SAMD12: variants seen among roughly 807,000 people sequenced by gnomAD.
SAMD12 encodes sterile alpha motif domain containing 12.
Under a neutral mutation model 15.0 loss-of-function variants are expected in SAMD12, and 9 were observed. The ratio of observed to expected loss-of-function variants is 0.60; its 90% CI spans 0.36 to 1.05. The LOEUF is 1.05. Among genes scored for constraint, SAMD12 ranks in the 50% least tolerant of loss-of-function variants. SAMD12 has a pLI of 0.01. For missense variants in SAMD12, 230 were observed against 234.2 expected (o/e 0.98, Z 0.12); for synonymous variants, 86 against 90.1 (o/e 0.96, Z 0.25).
At chr8:118,411,609 T>G (rs1821408761) in intron 3 of SAMD12, among the ~76,000 whole-genome samples, 1 of 119,230 alleles carries the variant, frequency 8.4e-6, no homozygotes. Flanking sequence ...CCACAATAGT[T>G]AAAGGAGTTT....
Position 118,555,497 on chromosome 8 carries a change from T to C in SAMD12, c.192+25218A>G, listed in dbSNP as rs543288047. On this transcript the variant is annotated intron_variant, in intron 2 of 3. Coordinates refer to ENST00000314727, the MANE Select transcript of SAMD12 (RefSeq NM_207506.3). ...AGTGCATCACTTTGTGTTATTGATATGCAACAACAGGCTTATCTTCCTCCA... is the reference window on the plus strand; with the variant it reads ...AGTGCATCACTTTGTGTTATTGATACGCAACAACAGGCTTATCTTCCTCCA... Among the ~76,000 whole-genome samples the C allele has an allele frequency of 9.5e-4, 145 of 152,310 alleles. 1 individual carries two copies. In the Middle Eastern group the frequency reaches 0.027, roughly 29 times the overall value.
the SAMD12 span, among the ~76,000 whole-genome samples, chr8:118,133,038 A>C: frequency 1.6e-5 from 2 of 123,866 alleles, no homozygotes; most frequent in South Asian, 5.2e-4. Flanking sequence ...CTTATTACTT[A>C]ATATGAGTCA....
At chr8:118,194,810 A>G (rs1211388939) in exon 5 of SAMD12, 3 of 152,220 alleles carry the variant, frequency 2.0e-5, no homozygotes, top group Admixed American at 6.5e-5. Flanking sequence ...ACAGAGGACC[A>G]CCACATAATA....
chr8:118,227,321 C>G (rs1476538349), intron 4 of SAMD12, among the ~76,000 whole-genome samples: 1 of 151,982 alleles, frequency 6.6e-6, no homozygotes, highest in Non-Finnish European at 1.5e-5. Flanking sequence ...ATGATGAGAA[C>G]TCGTGGACAT....
chr8:118,573,243 C>T (rs1827067440), intron 2 of SAMD12, among the ~76,000 whole-genome samples: 1 of 152,044 alleles, frequency 6.6e-6, no homozygotes, highest in Admixed American at 6.6e-5. Flanking sequence ...TGCCACCATG[C>T]CAGGCTAATT....
intron 2 of SAMD12, among the ~76,000 whole-genome samples, chr8:118,471,227 T>C (rs1823785292): frequency 6.6e-6 from 1 of 152,134 alleles, no homozygotes. Context: ...AGATAATTAC[T>C]AGTGAATGCT....
At chr8:118,534,451 G>A (rs1825782355) in intron 2 of SAMD12, among the ~76,000 whole-genome samples, 1 of 152,130 alleles carries the variant, frequency 6.6e-6, no homozygotes, top group Non-Finnish European at 1.5e-5. Context: ...GAGTATCTCT[G>A]TGGTGTTCTC....
chr8:118,255,785 T>G (rs1812924944), intron 4 of SAMD12, among the ~76,000 whole-genome samples: 1 of 152,052 alleles, frequency 6.6e-6, no homozygotes, highest in Admixed American at 6.6e-5. Flanking sequence ...TCCAAGTCTT[T>G]GCTATTGTGA....
intron 4 of SAMD12, among the ~76,000 whole-genome samples, chr8:118,309,797 A>G (rs1468972305): frequency 6.6e-6 from 1 of 152,186 alleles, no homozygotes; most frequent in Non-Finnish European, 1.5e-5. Flanking sequence ...CTCTGATGAC[A>G]TTAGTCCCAT....
the SAMD12 span, among the ~76,000 whole-genome samples, chr8:118,154,680 C>G: frequency 6.6e-6 from 1 of 152,140 alleles, no homozygotes; most frequent in East Asian, 1.9e-4. Flanking sequence ...ATCTATATAG[C>G]CGTAAGAGGC....
chr8:118,361,533 T>G (rs542245367), intron 4 of SAMD12, among the ~76,000 whole-genome samples: 6 of 152,308 alleles, frequency 3.9e-5, no homozygotes, highest in African/African-American at 1.4e-4. Flanking sequence ...GAGTAGCACT[T>G]AAACTTTGCA....
intron 2 of SAMD12, among the ~76,000 whole-genome samples, chr8:118,517,475 T>C (rs1825275673): frequency 6.6e-6 from 1 of 152,160 alleles, no homozygotes; most frequent in Non-Finnish European, 1.5e-5. Flanking sequence ...GGTACATAAG[T>C]GACTGAGAAA....
At chr8:118,475,846 G>A (rs899380700) in intron 2 of SAMD12, among the ~76,000 whole-genome samples, 3 of 152,096 alleles carry the variant, frequency 2.0e-5, no homozygotes, top group African/African-American at 7.2e-5. Context: ...GAAGCAGATG[G>A]GATCAACAGA....
chr8:118,609,108 T>C (rs1362245024), intron 1 of SAMD12, among the ~76,000 whole-genome samples: 1 of 152,242 alleles, frequency 6.6e-6, no homozygotes, highest in Non-Finnish European at 1.5e-5. Flanking sequence ...CATACATTTT[T>C]AAAAGATAGA....
rs535416248 is a variant in SAMD12 at position 118,336,327 on chromosome 8, C to T, written c.433+43233G>A. Among the ~76,000 whole-genome samples, 3 of 152,306 alleles carry T rather than the reference C, an allele frequency of 2.0e-5. No homozygotes were observed. In the South Asian group the frequency reaches 6.2e-4, roughly 32 times the overall value. ...TGCTCTCTTCTATGGATAGGTCATA[C>T]ATGGTTTTACCTAAAATCAGGAGCA... On this transcript the variant is annotated intron_variant, in intron 4 of 4. Coordinates refer to the SAMD12 transcript ENST00000409003.
At chr8:118,175,953 A>C in the SAMD12 span, among the ~76,000 whole-genome samples, 1 of 152,214 alleles carries the variant, frequency 6.6e-6, no homozygotes, top group African/African-American at 2.4e-5. Flanking sequence ...CAAAGAACTT[A>C]ATAGAATTAC....
intron 4 of SAMD12, among the ~76,000 whole-genome samples, chr8:118,202,903 T>A (rs1199802662): frequency 1.3e-5 from 2 of 152,180 alleles, no homozygotes; most frequent in African/African-American, 4.8e-5. Context: ...AGAGCTCACA[T>A]TTATGGAACG....
At chr8:118,226,822 C>T (rs902350627) in intron 4 of SAMD12, among the ~76,000 whole-genome samples, 2 of 152,106 alleles carry the variant, frequency 1.3e-5, no homozygotes, top group African/African-American at 4.8e-5. Context: ...GGCCATCTGG[C>T]TAGGATGAGA....
At chr8:118,311,242 G>A (rs1815615976) in intron 4 of SAMD12, among the ~76,000 whole-genome samples, 1 of 152,098 alleles carries the variant, frequency 6.6e-6, no homozygotes, top group Non-Finnish European at 1.5e-5. Context: ...AAGGATTTCT[G>A]AAGAAAAAAA....
Sources: gnomAD v4.1 joint callset for allele counts (sites outside exome capture counted in the v4.1 genomes callset) on GRCh38, gnomAD v4.1.1 for gene constraint, MANE v1.5 for transcripts, NCBI Gene and HGNC (gene_info 2026-07-23, HGNC 2026-07-21) for gene names.